Variants in ATP6V0A4 observed in about 807,000 individuals in gnomAD.
The protein encoded by ATP6V0A4 is V-type proton ATPase 116 kDa subunit a 4.
A neutral mutation model predicts 107.3 loss-of-function variants in ATP6V0A4; 86 were observed. That is an observed-to-expected ratio of 0.80 (90% CI 0.67 to 0.96). The LOEUF is 0.96. Ranked by LOEUF, ATP6V0A4 falls within the 40% of genes least tolerant of loss-of-function variation. The pLI is 0.00. For missense variants in ATP6V0A4, 908 were observed against 1,045.6 expected (o/e 0.87, Z 1.81); for synonymous variants, 353 against 381.4 (o/e 0.93, Z 0.87).
chr7:138,763,092 C>T, intron 5 of ATP6V0A4, 67 bp from the exon 6 acceptor site: 1 of 1,592,404 alleles, frequency 6.3e-7, no homozygotes, highest in Non-Finnish European at 8.6e-7. Context: ...ATACATTACC[C>T]ACAACAGATG....
chr7:138,790,396 C>T (rs776531796), intron 1 of ATP6V0A4, among the ~76,000 whole-genome samples: 11 of 152,092 alleles, frequency 7.2e-5, no homozygotes, highest in Admixed American at 3.9e-4. Flanking sequence ...TGGGTTCAAG[C>T]GATTCTCTTG....
chr7:138,778,817 C>G (rs1376933473), intron 2 of ATP6V0A4, among the ~76,000 whole-genome samples: 1 of 152,020 alleles, frequency 6.6e-6, no homozygotes, highest in East Asian at 1.9e-4. Context: ...CCTTGTTTGC[C>G]CCTGTTGGGG....
chr7:138,771,380 T>C, intron 2 of ATP6V0A4, 116 bp from the exon 3 acceptor site: 1 of 1,175,222 alleles, frequency 8.5e-7, no homozygotes, highest in Non-Finnish European at 1.2e-6. Context: ...CCATTAGGAA[T>C]CACTTCTGAT....
chr7:138,765,513 C>G lies in ATP6V0A4; in HGVS notation c.292-2488G>C, dbSNP rs76759944. On this transcript the variant is annotated intron_variant, in intron 5 of 21. Transcript: ENST00000310018. Reference sequence around the variant, plus strand: ...GGGGATGGTGGTTTTTTCCCTCCCCCCTGAATTAGTATTTCCTCTAGGACT... The same window carrying G: ...GGGGATGGTGGTTTTTTCCCTCCCCGCTGAATTAGTATTTCCTCTAGGACT... Among the ~76,000 whole-genome samples the G allele has an allele frequency of 1.9e-4, 29 of 152,256 alleles. No homozygotes were observed. The South Asian group carries it at 3.9e-3, about 21-fold the overall frequency.
In ATP6V0A4 at chr7:138,706,567, C is replaced by T; in HGVS notation, c.*57G>A. On this transcript the variant is annotated 3_prime_UTR_variant, in exon 22 of 22. Coordinates refer to ENST00000310018, the MANE Select transcript of ATP6V0A4 (RefSeq NM_020632.3). ...GCCTTGCAGGGGCTGATATCAAAGA[C>T]AAGACTGAACTTCCTTCATTGGCAT... 6.3e-7 allele frequency: 1 copy of T among 1,599,552 alleles called. No homozygotes were observed. Among genetic ancestry groups the T allele is most frequent in the Non-Finnish European group, 8.6e-7 (1 of 1,168,326 alleles).
chr7:138,725,317 T>C (rs575090645), intron 18 of ATP6V0A4, among the ~76,000 whole-genome samples: 13 of 152,254 alleles, frequency 8.5e-5, no homozygotes, highest in African/African-American at 2.6e-4. Context: ...AAAAGATATA[T>C]ACAAGGATGT....
chr7:138,749,348 T>G (rs1208660167), intron 11 of ATP6V0A4, 31 bp from the exon 12 acceptor site: 4 of 1,603,908 alleles, frequency 2.5e-6, no homozygotes, highest in African/African-American at 1.4e-5. Flanking sequence ...GACAAAGATG[T>G]AAGGAGAAGA....
At chr7:138,784,539 C>T (rs534767118) in intron 2 of ATP6V0A4, among the ~76,000 whole-genome samples, 15 of 151,706 alleles carry the variant, frequency 9.9e-5, no homozygotes, top group Middle Eastern at 3.4e-3. Flanking sequence ...AGGGTGGTCT[C>T]GATCTCCTGA....
intron 8 of ATP6V0A4, among the ~76,000 whole-genome samples, chr7:138,757,600 G>A (rs1237014860): frequency 6.6e-6 from 1 of 152,146 alleles, no homozygotes; most frequent in Non-Finnish European, 1.5e-5. Context: ...TACTACTCGA[G>A]GCACTGGAAT....
rs1281398564 is a variant in ATP6V0A4 at position 138,798,043 on chromosome 7, G to A, written c.-130C>T. 6.4e-7 allele frequency: 1 copy of A among 1,556,524 alleles called. No individual in the cohort carries two copies. Among genetic ancestry groups the A allele is most frequent in the East Asian group, 2.4e-5 (1 of 41,384 alleles). Reference sequence around the variant, plus strand: ...GTGGGAGTCGACTCACCTGCAGCAGGCACTCGGCACAACTCCGCAGGACCG... The same window carrying A: ...GTGGGAGTCGACTCACCTGCAGCAGACACTCGGCACAACTCCGCAGGACCG... On this transcript the variant is annotated 5_prime_UTR_variant, in exon 1 of 22. Coordinates refer to ENST00000310018, the MANE Select transcript of ATP6V0A4 (RefSeq NM_020632.3).
intron 17 of ATP6V0A4, among the ~76,000 whole-genome samples, chr7:138,730,069 C>T (rs2353837): frequency 2.0e-5 from 3 of 152,024 alleles, no homozygotes; most frequent in Admixed American, 1.3e-4. Context: ...TATTTTTAGT[C>T]GGGACGGGGT....
chr7:138,750,797 T>C (rs1214183061), intron 11 of ATP6V0A4, among the ~76,000 whole-genome samples: 2 of 152,206 alleles, frequency 1.3e-5, no homozygotes, highest in Non-Finnish European at 2.9e-5. Context: ...AGGTGGTTTT[T>C]GGACCATGAT....
chr7:138,722,638 G>A lies in ATP6V0A4; in HGVS notation c.2011-613C>T, dbSNP rs549392608. On this transcript the variant is annotated intron_variant, in intron 18 of 21. Transcript: ENST00000310018. ...TGCATGCCTGTAATCCCAGCTACCC[G>A]GGAGGCTGAGGCAGGAGAGTCATTG... is the stretch of plus-strand genomic sequence containing the variant. Among the ~76,000 whole-genome samples, 42 of 150,846 alleles carry A rather than the reference G, an allele frequency of 2.8e-4. No individual in the cohort carries two copies. In the East Asian group the frequency reaches 5.9e-3, roughly 21 times the overall value.
At chr7:138,720,642 A>ATT (rs879773709) in intron 19 of ATP6V0A4, among the ~76,000 whole-genome samples, 3 of 143,748 alleles carry the variant, frequency 2.1e-5, no homozygotes, top group Non-Finnish European at 4.5e-5. Context: ...AATCAAGATA[A>ATT]TTTTTTTTTT....
intron 2 of ATP6V0A4, among the ~76,000 whole-genome samples, chr7:138,778,460 C>A (rs1584946877): frequency 6.6e-6 from 1 of 150,608 alleles, no homozygotes; most frequent in South Asian, 2.1e-4. Context: ...GCAAATATTC[C>A]AAAATCTGAA....
At chr7:138,747,650 T>C in intron 12 of ATP6V0A4, 86 bp from the exon 13 acceptor site, 1 of 1,567,576 alleles carries the variant, frequency 6.4e-7, no homozygotes, top group Non-Finnish European at 8.7e-7. Flanking sequence ...CTCCACGATT[T>C]GCATGCGGGT....
At position 138,759,794 on chromosome 7, in the gene ATP6V0A4, C is replaced by T; in HGVS notation, c.597G>A (p.Leu199=). Residue 199 remains leucine (L), a synonymous_variant, in exon 8 of 22, where the codon TTG becomes TTA. Coordinates refer to ENST00000310018, the MANE Select transcript of ATP6V0A4 (RefSeq NM_020632.3). Reference sequence around the variant, plus strand: ...GAGGGGCGTCCATCTCACTGAACTTCAAGTACACGTTTCCTCGGCAGATTC... The same window carrying T: ...GAGGGGCGTCCATCTCACTGAACTTTAAGTACACGTTTCCTCGGCAGATTC... ...LWRICRGNVY[L]KFSEMDAPLE... The T allele has an allele frequency of 6.2e-7, 1 of 1,614,162 alleles. No individual in the cohort carries two copies. The highest frequency in any genetic ancestry group is 8.5e-7 in the Non-Finnish European group (1 of 1,180,032).
intron 2 of ATP6V0A4, among the ~76,000 whole-genome samples, chr7:138,775,705 C>A (rs1346134219): frequency 7.1e-6 from 1 of 140,772 alleles, no homozygotes; most frequent in African/African-American, 2.7e-5. Flanking sequence ...GGCTGGAGTG[C>A]AGTGGCGCGA....
intron 2 of ATP6V0A4, among the ~76,000 whole-genome samples, chr7:138,779,323 G>C (rs1177443450): frequency 6.6e-6 from 1 of 151,506 alleles, no homozygotes; most frequent in Non-Finnish European, 1.5e-5. Context: ...ACTCCAGCCT[G>C]GGTGACAAAG....
Sources: gnomAD v4.1 joint callset for allele counts (sites outside exome capture counted in the v4.1 genomes callset) on GRCh38, gnomAD v4.1.1 for gene constraint, MANE v1.5 for transcripts, NCBI Gene and HGNC (gene_info 2026-07-23, HGNC 2026-07-21) for gene names.